RBM19: variants seen among roughly 807,000 people sequenced by gnomAD.
The protein encoded by RBM19 is RNA binding motif protein 19, also known as probable RNA-binding protein 19.
Under a neutral mutation model 116.8 loss-of-function variants are expected in RBM19, and 94 were observed. The ratio of observed to expected loss-of-function variants is 0.80; its 90% CI spans 0.68 to 0.95. The LOEUF (loss-of-function observed/expected upper bound fraction) is 0.95. RBM19 is among the 40% of genes least tolerant of loss of function. The pLI, the probability that RBM19 is intolerant of heterozygous loss-of-function variation, is 0.00. For missense variants in RBM19, 1,161 were observed against 1,220.7 expected, an observed-to-expected ratio of 0.95 and a Z score of 0.73; for synonymous variants, 475 against 494.1, an observed-to-expected ratio of 0.96 and a Z score of 0.51.
intron 21 of RBM19, among the ~76,000 whole-genome samples, chr12:113,902,107 C>A (rs1046196321): frequency 6.6e-6 from 1 of 152,082 alleles, no homozygotes; most frequent in Non-Finnish European, 1.5e-5. Flanking sequence ...TAATAATTGA[C>A]CTTATTCAGA....
intron 9 of RBM19, among the ~76,000 whole-genome samples, chr12:113,949,632 C>T (rs150512607): frequency 3.3e-5 from 5 of 152,208 alleles, no homozygotes; most frequent in African/African-American, 9.6e-5. Flanking sequence ...GGGTATTGTT[C>T]AGAAGACCTC....
intron 22 of RBM19, among the ~76,000 whole-genome samples, chr12:113,849,641 C>T (rs1483537189): frequency 6.6e-6 from 1 of 152,232 alleles, no homozygotes; most frequent in Non-Finnish European, 1.5e-5. Context: ...ACCTGCACCA[C>T]TATGGCTCGA....
Position 113,860,986 on chromosome 12 carries a change from T to C in RBM19, c.2559-2090A>G, listed in dbSNP as rs376363186. 3.7e-4 allele frequency among the ~76,000 whole-genome samples: 57 copies of C among 152,272 alleles called. 1 individual carries two copies. The highest frequency in any genetic ancestry group is 1.2e-3 in the African/African-American group (50 of 41,558). On this transcript the variant is annotated intron_variant, in intron 21 of 23. Coordinates refer to ENST00000261741, the MANE Select transcript of RBM19 (RefSeq NM_016196.4). ...TACCCTCAGAGGGCGGTGATGAGGG[T>C]GAAATGAAATACACATAGCACAAAT... is the stretch of plus-strand genomic sequence containing the variant.
chr12:113,957,240 A>G (rs537582564), intron 6 of RBM19, among the ~76,000 whole-genome samples: 74 of 152,324 alleles, frequency 4.9e-4, no homozygotes, highest in Middle Eastern at 3.4e-3. Flanking sequence ...ACTTATAGGC[A>G]ATTTCTGGAA....
At chr12:113,960,323 G>T in intron 2 of RBM19, 145 bp from the exon 3 acceptor site, 1 of 1,035,126 alleles carries the variant, frequency 9.7e-7, no homozygotes, top group Non-Finnish European at 1.4e-6. Flanking sequence ...TCACCCCTTA[G>T]CCTGGGCTTT....
At chr12:113,907,880 C>A (rs987705183) in intron 21 of RBM19, among the ~76,000 whole-genome samples, 16 of 152,166 alleles carry the variant, frequency 1.1e-4, no homozygotes, top group African/African-American at 3.9e-4. Context: ...GCTCTTAACT[C>A]TGCTGCGGAA....
intron 5 of RBM19, 145 bp from the exon 6 acceptor site, chr12:113,958,195 A>T (rs1180931826): frequency 6.9e-7 from 1 of 1,443,512 alleles, no homozygotes; most frequent in African/African-American, 1.4e-5. Flanking sequence ...CATCCCCCAT[A>T]AGTCCTCTGA....
At chr12:113,853,616 G>A (rs1024149814) in intron 22 of RBM19, among the ~76,000 whole-genome samples, 2 of 152,224 alleles carry the variant, frequency 1.3e-5, no homozygotes, top group Non-Finnish European at 1.5e-5. Flanking sequence ...TCTGGGTAAA[G>A]AGAGAGGAGG....
intron 1 of RBM19, 138 bp from the exon 2 acceptor site, chr12:113,962,552 T>TACAACAGGTTCCAGCTCTG: frequency 1.3e-6 from 1 of 799,664 alleles, no homozygotes; most frequent in Non-Finnish European, 1.9e-6. Context: ...CTTTTCTAGT[T>TACAACAGGTTCCAGCTCTG]ACAACAGGTT....
Position 113,937,176 on chromosome 12 carries a change from C to A in RBM19, c.1939-40G>T, listed in dbSNP as rs539903556. ...GTGATGGCCCTGTGGGTCTTCATTA[C>A]AACACACTGCTGGGGAGGGACTCAG... On this transcript the variant is annotated intron_variant, in intron 15 of 23. Transcript: ENST00000261741. The A allele has an allele frequency of 3.7e-5, 60 of 1,610,124 alleles. 1 individual carries two copies. In the East Asian group the frequency reaches 1.3e-3, roughly 35 times the overall value.
intron 21 of RBM19, among the ~76,000 whole-genome samples, chr12:113,907,410 G>A (rs555286078): frequency 1.3e-5 from 2 of 152,262 alleles, no homozygotes; most frequent in African/African-American, 4.8e-5. Context: ...GGAATGCCAG[G>A]GGAATAAATC....
At chr12:113,921,384 T>TC (rs925206673) in intron 18 of RBM19, among the ~76,000 whole-genome samples, 9 of 152,010 alleles carry the variant, frequency 5.9e-5, no homozygotes, top group African/African-American at 1.9e-4. Flanking sequence ...AGATTTGATG[T>TC]CCCCCCACCT....
intron 21 of RBM19, among the ~76,000 whole-genome samples, chr12:113,900,703 A>G (rs560298876): frequency 5.9e-5 from 9 of 152,220 alleles, no homozygotes; most frequent in Non-Finnish European, 1.3e-4. Flanking sequence ...GAGGAAGGAC[A>G]GCATGAAGAC....
At chr12:113,911,405 CA>C (rs1177141408) in intron 21 of RBM19, among the ~76,000 whole-genome samples, 1 of 152,066 alleles carries the variant, frequency 6.6e-6, no homozygotes, top group Non-Finnish European at 1.5e-5. Context: ...AACAAACAAA[CA>C]AAAAAACCAG....
chr12:113,841,237 G>C (rs1390543290), intron 23 of RBM19, among the ~76,000 whole-genome samples: 1 of 152,190 alleles, frequency 6.6e-6, no homozygotes, highest in Admixed American at 6.5e-5. Context: ...AGCACATGCT[G>C]TGCCAATTCT....
At chr12:113,944,885 T>TTA (rs1870893774) in intron 13 of RBM19, among the ~76,000 whole-genome samples, 1 of 151,314 alleles carries the variant, frequency 6.6e-6, no homozygotes, top group African/African-American at 2.4e-5. Flanking sequence ...ATATACACAT[T>TTA]TATATACATA....
At chr12:113,870,868 G>A (rs567546746) in intron 21 of RBM19, among the ~76,000 whole-genome samples, 25 of 152,290 alleles carry the variant, frequency 1.6e-4, no homozygotes, top group African/African-American at 6.0e-4. Context: ...GACTATCAGG[G>A]TGCTGACCTC....
chr12:113,915,434 A>G (rs1415413148), intron 20 of RBM19, among the ~76,000 whole-genome samples: 1 of 152,206 alleles, frequency 6.6e-6, no homozygotes, highest in African/African-American at 2.4e-5. Flanking sequence ...GAAAGACCCC[A>G]GTTGGTTTCC....
At chr12:113,933,130 C>T (rs1593608334) in intron 16 of RBM19, among the ~76,000 whole-genome samples, 1 of 151,950 alleles carries the variant, frequency 6.6e-6, no homozygotes, top group East Asian at 1.9e-4. Flanking sequence ...CGCTGTCCCC[C>T]TCCCTCGAGA....
Sources: gnomAD v4.1 joint callset for allele counts (sites outside exome capture counted in the v4.1 genomes callset) on GRCh38, gnomAD v4.1.1 for gene constraint, MANE v1.5 for transcripts, NCBI Gene and HGNC (gene_info 2026-07-23, HGNC 2026-07-21) for gene names.